CTDP1: variants seen among roughly 807,000 people sequenced by gnomAD.
CTDP1 encodes CTD phosphatase 1, also known as RNA polymerase II subunit A C-terminal domain phosphatase.
In CTDP1, 47 loss-of-function variants were observed where a neutral mutation model predicts 91.8. The ratio of observed to expected loss-of-function variants is 0.51; its 90% confidence interval spans 0.41 to 0.65. CTDP1 has a LOEUF of 0.65. Among genes scored for constraint, CTDP1 ranks in the 30% least tolerant of loss-of-function variants. The probability of loss-of-function intolerance (pLI) is 0.00; values close to 1 mark genes in which losing one functional copy is unlikely to be tolerated. For synonymous variants in CTDP1, 656 were observed against 598.5 expected, an observed-to-expected ratio of 1.10 and a Z score of -1.40; for missense variants, 1,272 against 1,373.7, an observed-to-expected ratio of 0.93 and a Z score of 1.17.
chr18:79,729,108 C>T (rs1294491561), intron 11 of CTDP1, 39 bp downstream of exon 11: 13 of 1,610,550 alleles, frequency 8.1e-6, no homozygotes, highest in Non-Finnish European at 9.3e-6. Flanking sequence ...CGCCAGCGCT[C>T]GTGCTGGGGC....
chr18:79,681,745 G>A (rs1237018168), intron 1 of CTDP1, among the ~76,000 whole-genome samples: 1 of 152,134 alleles, frequency 6.6e-6, no homozygotes, highest in African/African-American at 2.4e-5. Context: ...CAGATGGAGC[G>A]TCTGTGTGGC....
intron 5 of CTDP1, among the ~76,000 whole-genome samples, chr18:79,705,284 A>G (rs2085944310): frequency 6.6e-6 from 1 of 152,194 alleles, no homozygotes; most frequent in African/African-American, 2.4e-5. Flanking sequence ...CACTGCACAC[A>G]GCATGATTGT....
downstream of CTDP1, chr18:79,756,559 A>G (rs1455308542): frequency 6.6e-6 from 1 of 152,248 alleles, no homozygotes; most frequent in Non-Finnish European, 1.5e-5. Flanking sequence ...ACTGAATGTT[A>G]GGGAAAATAT....
In CTDP1 at chr18:79,753,816, G is replaced by A; in HGVS notation, c.*26G>A. The A allele has an allele frequency of 6.2e-7, 1 of 1,609,854 alleles. No individual in the cohort carries two copies. Among genetic ancestry groups the A allele is most frequent in the Non-Finnish European group, 8.5e-7 (1 of 1,178,936 alleles). Reference sequence around the variant, plus strand: ...GCGCGGGCAGCGGGCAGGGACTGAAGCCTGACCGACCTCCAGCAGCACTCG... The same window carrying A: ...GCGCGGGCAGCGGGCAGGGACTGAAACCTGACCGACCTCCAGCAGCACTCG... On this transcript the variant is annotated 3_prime_UTR_variant, in exon 13 of 13. Transcript: ENST00000613122.
In CTDP1 at chr18:79,753,811, C is replaced by T. The variant is rs748962660; in HGVS notation, c.*21C>T. The T allele has an allele frequency of 6.2e-7, 1 of 1,610,794 alleles. No individual in the cohort carries two copies. Among genetic ancestry groups the T allele is most frequent in the South Asian group, 1.1e-5 (1 of 90,830 alleles). ...TGTGAGCGCGGGCAGCGGGCAGGGA[C>T]TGAAGCCTGACCGACCTCCAGCAGC... On this transcript the variant is annotated 3_prime_UTR_variant, in exon 13 of 13. Transcript: ENST00000613122.
chr18:79,698,848 C>A (rs548020371), intron 4 of CTDP1, among the ~76,000 whole-genome samples: 4 of 152,316 alleles, frequency 2.6e-5, no homozygotes, highest in African/African-American at 9.6e-5. Context: ...AGCCGGGCAT[C>A]CTCCGCTGCT....
At chr18:79,722,199 G>A (rs921653851) in intron 10 of CTDP1, among the ~76,000 whole-genome samples, 4 of 152,224 alleles carry the variant, frequency 2.6e-5, no homozygotes, top group Non-Finnish European at 5.9e-5. Context: ...CTTGCAGATG[G>A]TAAGCTGGAT....
intron 12 of CTDP1, among the ~76,000 whole-genome samples, chr18:79,746,250 TCCCGTGCGCGTTCTGTGCCC>T: frequency 1.7e-5 from 1 of 57,662 alleles, no homozygotes; most frequent in African/African-American, 6.9e-5. Flanking sequence ...CCCGCGTCCC[TCCCGTGCGCGTTCTGTGCCC>T]GCGTCCCTCC....
upstream of CTDP1, chr18:79,678,499 A>C (rs929001936): frequency 7.2e-5 from 11 of 152,206 alleles, no homozygotes; most frequent in African/African-American, 2.7e-4. Context: ...TGCTAATCGG[A>C]GTACACATTC....
intron 10 of CTDP1, among the ~76,000 whole-genome samples, chr18:79,723,352 C>G (rs1015473518): frequency 6.6e-6 from 1 of 152,204 alleles, no homozygotes; most frequent in Admixed American, 6.5e-5. Flanking sequence ...CCCGTCTCCC[C>G]ACCCTCCTGA....
intron 1 of CTDP1, among the ~76,000 whole-genome samples, chr18:79,684,088 CA>C (rs767293446): frequency 7.9e-5 from 12 of 152,252 alleles, no homozygotes; most frequent in Non-Finnish European, 1.3e-4. Flanking sequence ...GTGCTAAGCT[CA>C]AGCGTCGCTT....
chr18:79,697,180 G>A (rs757649400), intron 3 of CTDP1, among the ~76,000 whole-genome samples: 1 of 152,236 alleles, frequency 6.6e-6, no homozygotes, highest in Non-Finnish European at 1.5e-5. Flanking sequence ...CAGCCCTTCC[G>A]TGCGTTTCCC....
At chr18:79,753,040 G>A (rs111238331) in intron 12 of CTDP1, among the ~76,000 whole-genome samples, 1 of 124,340 alleles carries the variant, frequency 8.0e-6, no homozygotes, top group East Asian at 2.4e-4. Context: ...TAGTGGCACC[G>A]GCTGGTTATG....
Position 79,740,208 on chromosome 18 carries a change from A to C in CTDP1, c.2747+3687A>C, listed in dbSNP as rs113404783. 7.4e-3 allele frequency among the ~76,000 whole-genome samples: 1,117 copies of C among 150,898 alleles called. 33 individuals are homozygous for C. The highest frequency in any genetic ancestry group is 0.026 in the African/African-American group (1,047 of 40,866). On this transcript the variant is annotated intron_variant, in intron 12 of 12. Coordinates refer to ENST00000613122, the MANE Select transcript of CTDP1 (RefSeq NM_004715.5). ...CATACCCACGGCCGGGACGGGTGGGACTCGGCGCTTGCTCCCTGCCTGCAC... is the reference window on the plus strand; with the variant it reads ...CATACCCACGGCCGGGACGGGTGGGCCTCGGCGCTTGCTCCCTGCCTGCAC...
At chr18:79,712,905 C>A in intron 6 of CTDP1, 67 bp from the exon 7 acceptor site, 1 of 1,546,896 alleles carries the variant, frequency 6.5e-7, no homozygotes, top group Non-Finnish European at 8.9e-7. Flanking sequence ...AACTGTTACG[C>A]TTGGCAAGAT....
chr18:79,683,211 A>G (rs1462742046), intron 1 of CTDP1: 10 of 152,190 alleles, frequency 6.6e-5, no homozygotes, highest in African/African-American at 2.4e-4. Flanking sequence ...TAATTGACTT[A>G]TCTTGACCAC....
In CTDP1 at chr18:79,714,804, T is replaced by A. The variant is rs2086166034; in HGVS notation, c.1344T>A (p.Thr448=). Residue 448 remains threonine (T), a synonymous_variant, in exon 8 of 13, where the codon ACT becomes ACA. Transcript: ENST00000613122. ...GQRPAQGATG[T]DLDFDLSSDS... ...GGCCTGCCCAGGGTGCCACGGGCAC[T>A]GACCTGGACTTTGACTTATCCAGCG... 6.2e-7 allele frequency: 1 copy of A among 1,603,308 alleles called. No homozygotes were observed. Among genetic ancestry groups the A allele is most frequent in the South Asian group, 1.1e-5 (1 of 89,466 alleles).
intron 12 of CTDP1, among the ~76,000 whole-genome samples, chr18:79,743,398 C>T (rs568339389): frequency 1.5e-3 from 227 of 152,080 alleles, no homozygotes; most frequent in African/African-American, 5.3e-3. Flanking sequence ...TGGCAGCATG[C>T]GCCTGTAGTC....
intron 11 of CTDP1, among the ~76,000 whole-genome samples, chr18:79,730,993 C>G (rs903701391): frequency 6.6e-6 from 1 of 152,234 alleles, no homozygotes; most frequent in African/African-American, 2.4e-5. Flanking sequence ...TGTCCCTCTT[C>G]CACTCCATGT....
Sources: gnomAD v4.1 joint callset for allele counts (sites outside exome capture counted in the v4.1 genomes callset) on GRCh38, gnomAD v4.1.1 for gene constraint, MANE v1.5 for transcripts, NCBI Gene and HGNC (gene_info 2026-07-23, HGNC 2026-07-21) for gene names.